The following BFSP2 variants were observed in gnomAD, a reference collection of about 807,000 sequenced individuals.
The protein encoded by BFSP2 is phakinin.
BFSP2 carries 38 observed loss-of-function variants against 44.9 expected under a neutral mutation model. That is an observed-to-expected ratio of 0.85 (90% CI 0.65 to 1.11). The LOEUF (loss-of-function observed/expected upper bound fraction) is 1.11, where lower values mean the gene tolerates loss of function less well. Ranked by LOEUF, BFSP2 falls within the 50% of genes least tolerant of loss-of-function variation. The pLI is 0.00. For missense variants in BFSP2, 525 were observed against 533.0 expected, an observed-to-expected ratio of 0.99 and a Z score of 0.15; for synonymous variants, 197 against 209.9, an observed-to-expected ratio of 0.94 and a Z score of 0.53.
intron 2 of BFSP2, 85 bp from the exon 3 acceptor site, chr3:133,448,404 T>C (rs1044066554): frequency 6.7e-5 from 102 of 1,513,114 alleles, no homozygotes; most frequent in Admixed American, 1.2e-4. Context: ...AACTATCACA[T>C]AATTGGCCTG....
At chr3:133,450,054 GAA>G (rs1559976222) in intron 3 of BFSP2, among the ~76,000 whole-genome samples, 1 of 145,308 alleles carries the variant, frequency 6.9e-6, no homozygotes, top group Non-Finnish European at 1.5e-5. Context: ...GAGGAAGAAA[GAA>G]AGAGAGAGAA....
intron 1 of BFSP2, among the ~76,000 whole-genome samples, chr3:133,424,215 T>TGTGTGTGTGTGTGTG (rs879693047): frequency 2.5e-5 from 2 of 80,112 alleles, no homozygotes; most frequent in Non-Finnish European, 4.5e-5. Flanking sequence ...CCAGCTAATT[T>TGTGTGTGTGTGTGTG]TTTTTTTTTT....
intron 1 of BFSP2, among the ~76,000 whole-genome samples, chr3:133,418,420 G>A (rs1208019060): frequency 6.6e-6 from 1 of 152,148 alleles, no homozygotes; most frequent in Non-Finnish European, 1.5e-5. Flanking sequence ...GGAGTAACTG[G>A]GACAAGGAGG....
chr3:133,416,076 C>A (rs1359613099), intron 1 of BFSP2, among the ~76,000 whole-genome samples: 1 of 139,452 alleles, frequency 7.2e-6, no homozygotes, highest in East Asian at 2.3e-4. Flanking sequence ...ACCCTGCCAT[C>A]TTCCCTCTAC....
intron 1 of BFSP2, among the ~76,000 whole-genome samples, chr3:133,438,863 G>A (rs759020873): frequency 6.6e-6 from 1 of 152,088 alleles, no homozygotes; most frequent in Non-Finnish European, 1.5e-5. Flanking sequence ...GGATGGGGGG[G>A]TCATTATTCT....
intron 1 of BFSP2, among the ~76,000 whole-genome samples, chr3:133,414,537 C>T (rs1377601365): frequency 1.1e-5 from 1 of 94,728 alleles, no homozygotes; most frequent in Non-Finnish European, 2.1e-5. Flanking sequence ...CCTCTCCCTT[C>T]TACTCACCCC....
chr3:133,472,700 C>T (rs1173553297), intron 6 of BFSP2, 135 bp downstream of exon 6: 1 of 1,016,506 alleles, frequency 9.8e-7, no homozygotes, highest in Non-Finnish European at 1.5e-6. Context: ...CCCATTCCCA[C>T]AGCCTAGCTG....
At chr3:133,416,923 CGT>C (rs2073539306) in intron 1 of BFSP2, among the ~76,000 whole-genome samples, 1 of 135,652 alleles carries the variant, frequency 7.4e-6, no homozygotes, top group African/African-American at 2.8e-5. Context: ...TCTACTCACC[CGT>C]CCTCTGCCCT....
Position 133,400,647 on chromosome 3 carries a change from A to T in BFSP2, c.489+75A>T, listed in dbSNP as rs2073355910. ...GCTGAAGGCAGCGGGTAGGGTTGTG[A>T]GTAGGCTGAGGCCAGAGAAACTGAC... On this transcript the variant is annotated intron_variant, in intron 1 of 6. Transcript: ENST00000302334. The surrounding 1 kb of genome is among the most constrained non-coding windows in gnomAD (Gnocchi z 4.0). 6.5e-7 allele frequency: 1 copy of T among 1,545,436 alleles called. No individual in the cohort carries two copies. Among genetic ancestry groups the T allele is most frequent in the Non-Finnish European group, 8.7e-7 (1 of 1,144,814 alleles).
intron 1 of BFSP2, among the ~76,000 whole-genome samples, chr3:133,429,882 T>G (rs1466370336): frequency 2.6e-5 from 4 of 151,876 alleles, no homozygotes; most frequent in East Asian, 3.9e-4. Flanking sequence ...ATTAGGTATA[T>G]CTCCTAATGC....
At chr3:133,410,704 G>A in intron 1 of BFSP2, 1 of 252,548 alleles carries the variant, frequency 4.0e-6, no homozygotes, top group Non-Finnish European at 8.2e-6. Flanking sequence ...TCCGTGGGCG[G>A]ACAGGAGTCT....
intron 1 of BFSP2, among the ~76,000 whole-genome samples, chr3:133,427,619 G>C (rs530114142): frequency 6.6e-6 from 1 of 152,358 alleles, no homozygotes; most frequent in Admixed American, 6.5e-5. Flanking sequence ...ATTTCAGGCA[G>C]TGTAAGGTTG....
chr3:133,417,926 C>T, intron 1 of BFSP2, among the ~76,000 whole-genome samples: 1 of 147,776 alleles, frequency 6.8e-6, no homozygotes, highest in African/African-American at 2.5e-5. Context: ...GCCATCTCCC[C>T]TCTACTCACC....
Position 133,450,307 on chromosome 3 carries a change from T to G in BFSP2, c.734T>G (p.Val245Gly). Residue 245 changes from valine (V) to glycine (G), a missense_variant, in exon 4 of 7, where the codon GTG (valine) becomes GGG (glycine). Val to Gly is a moderately radical substitution (Grantham distance 109). Coordinates refer to ENST00000302334, the MANE Select transcript of BFSP2 (RefSeq NM_003571.4). ...GSLSRNYEED[V>G]KLLHKQLAGC... ...GATGTATATTGTTGTTTTCAGGATG[T>G]GAAGCTGCTGCACAAACAGTTGGCA... The G allele has an allele frequency of 6.2e-7, 1 of 1,614,134 alleles. No homozygotes were observed. Among genetic ancestry groups the G allele is most frequent in the Non-Finnish European group, 8.5e-7 (1 of 1,180,016 alleles).
chr3:133,451,331 G>T (rs772658054), intron 4 of BFSP2, among the ~76,000 whole-genome samples: 10 of 152,112 alleles, frequency 6.6e-5, no homozygotes, highest in Non-Finnish European at 8.8e-5. Flanking sequence ...GAGGTAAAAT[G>T]AGGAGAAAAT....
chr3:133,432,753 C>A (rs1171180719), intron 1 of BFSP2, among the ~76,000 whole-genome samples: 1 of 152,146 alleles, frequency 6.6e-6, no homozygotes, highest in Non-Finnish European at 1.5e-5. Context: ...CTCTCCCTGC[C>A]GATCGTGTCC....
At chr3:133,464,445 A>G (rs954563451) in intron 4 of BFSP2, among the ~76,000 whole-genome samples, 19 of 152,380 alleles carry the variant, frequency 1.2e-4, no homozygotes, top group African/African-American at 4.6e-4. Flanking sequence ...AGATTAAATT[A>G]GATACTTGAT....
intron 1 of BFSP2, among the ~76,000 whole-genome samples, chr3:133,413,179 G>A (rs547164548): frequency 1.4e-4 from 22 of 152,208 alleles, no homozygotes; most frequent in African/African-American, 5.3e-4. Context: ...AATAAAATAT[G>A]CAGTAATAAA....
chr3:133,407,158 G>T lies in BFSP2; in HGVS notation c.489+6586G>T, dbSNP rs189599921. Among the ~76,000 whole-genome samples, 135 of 152,308 alleles carry T rather than the reference G, an allele frequency of 8.9e-4. 1 individual carries two copies. The highest frequency in any genetic ancestry group is 8.8e-3 in the Admixed American group (135 of 15,298). On this transcript the variant is annotated intron_variant, in intron 1 of 6. Coordinates refer to ENST00000302334, the MANE Select transcript of BFSP2 (RefSeq NM_003571.4). ...GGTATTCAAGAGGGTGAAGCAGGGG[G>T]ATTGCTTGAGCCCAGGAGTTCAAGA... is the stretch of plus-strand genomic sequence containing the variant.
Sources: gnomAD v4.1 joint callset for allele counts (sites outside exome capture counted in the v4.1 genomes callset) on GRCh38, gnomAD v4.1.1 for gene constraint, Gnocchi (gnomAD v3.1) non-coding constraint, MANE v1.5 for transcripts, NCBI Gene and HGNC (gene_info 2026-07-23, HGNC 2026-07-21) for gene names.